The following IL1RAPL2 variants were observed in gnomAD, a reference collection of about 807,000 sequenced individuals.
The protein encoded by IL1RAPL2 is interleukin 1 receptor accessory protein like 2, also known as X-linked interleukin-1 receptor accessory protein-like 2.
In IL1RAPL2, 3 loss-of-function variants were observed where a neutral mutation model predicts 44.1. The observed-to-expected ratio is 0.07, with a 90% CI of 0.03 to 0.18. The LOEUF is 0.18. Among genes scored for constraint, IL1RAPL2 ranks in the 10% least tolerant of loss-of-function variants. The pLI, the probability that IL1RAPL2 is intolerant of heterozygous loss-of-function variation, is 1.00. For synonymous variants in IL1RAPL2, 181 were observed against 178.8 expected (o/e 1.01, Z -0.10); for missense variants, 391 against 496.4 (o/e 0.79, Z 2.02).
chrX:105,361,123 G>A (rs1465943800), intron 5 of IL1RAPL2, among the ~76,000 whole-genome samples: 1 of 111,441 alleles, frequency 9.0e-6, no homozygotes, highest in Non-Finnish European at 1.9e-5. Context: ...GCAGGAGGCA[G>A]GAGGGTGGTT....
chrX:104,737,063 C>T (rs1480586963), intron 2 of IL1RAPL2, among the ~76,000 whole-genome samples: 2 of 112,382 alleles, frequency 1.8e-5, no homozygotes, highest in African/African-American at 6.5e-5. Context: ...TAAGTTGAAT[C>T]AACGTCATCC....
intron 5 of IL1RAPL2, among the ~76,000 whole-genome samples, chrX:105,358,140 T>C (rs761170021): frequency 9.1e-6 from 1 of 109,744 alleles, no homozygotes; most frequent in Non-Finnish European, 1.9e-5. Context: ...TACAGAGGTT[T>C]AGGCAAGTGG....
At chrX:105,077,718 T>C (rs2032332018) in intron 2 of IL1RAPL2, among the ~76,000 whole-genome samples, 1 of 111,935 alleles carries the variant, frequency 8.9e-6, no homozygotes, top group Non-Finnish European at 1.9e-5. Flanking sequence ...CATAGTCCCA[T>C]ATTTCTTGGA....
At chrX:105,030,772 C>G (rs1602902270) in intron 2 of IL1RAPL2, among the ~76,000 whole-genome samples, 1 of 111,688 alleles carries the variant, frequency 9.0e-6, no homozygotes, top group African/African-American at 3.3e-5. Context: ...TTTTCCAATT[C>G]TGTGAAGAAA....
chrX:104,698,491 C>G (rs756017724), intron 2 of IL1RAPL2, among the ~76,000 whole-genome samples: 1 of 111,989 alleles, frequency 8.9e-6, no homozygotes, highest in African/African-American at 3.2e-5. Flanking sequence ...CATTCTTACT[C>G]AAACTCAAAG....
chrX:105,108,652 T>C (rs1217256136), intron 2 of IL1RAPL2, among the ~76,000 whole-genome samples: 1 of 38,148 alleles, frequency 2.6e-5, no homozygotes, highest in African/African-American at 4.2e-5. Context: ...AGTTCTGTCA[T>C]TTTTTGCACC....
chrX:104,807,824 T>C (rs1932933874), intron 2 of IL1RAPL2, among the ~76,000 whole-genome samples: 1 of 111,832 alleles, frequency 8.9e-6, no homozygotes, highest in African/African-American at 3.2e-5. Context: ...AACTATGTAA[T>C]ATAAATGGAC....
At chrX:105,141,793 A>G (rs771986756) in intron 2 of IL1RAPL2, among the ~76,000 whole-genome samples, 1 of 112,504 alleles carries the variant, frequency 8.9e-6, no homozygotes, top group African/African-American at 3.2e-5. Flanking sequence ...TGCAATTGAC[A>G]GTTTGACACA....
At chrX:104,832,372 C>T (rs1490598147) in intron 2 of IL1RAPL2, among the ~76,000 whole-genome samples, 1 of 111,232 alleles carries the variant, frequency 9.0e-6, no homozygotes, top group East Asian at 2.8e-4. Context: ...ATATTTCAAA[C>T]TCCAGTTGTT....
chrX:104,905,916 T>C (rs1484299993), intron 2 of IL1RAPL2, among the ~76,000 whole-genome samples: 5 of 110,578 alleles, frequency 4.5e-5, no homozygotes, highest in African/African-American at 9.9e-5. Context: ...TTTCATGATA[T>C]TGATTCTTCC....
intron 2 of IL1RAPL2, among the ~76,000 whole-genome samples, chrX:105,089,614 T>G (rs1294206488): frequency 1.8e-5 from 2 of 111,652 alleles, no homozygotes; most frequent in Non-Finnish European, 3.8e-5. Context: ...TTCAAGAGTG[T>G]TATTAGTAGT....
At chrX:104,762,250 C>T (rs752702410) in intron 2 of IL1RAPL2, among the ~76,000 whole-genome samples, 20 of 110,682 alleles carry the variant, frequency 1.8e-4, no homozygotes, top group East Asian at 2.9e-4. Context: ...CCACCTGCCT[C>T]GGCCTCCCAA....
intron 6 of IL1RAPL2, among the ~76,000 whole-genome samples, chrX:105,598,900 C>T (rs1029334354): frequency 8.9e-6 from 1 of 112,524 alleles, no homozygotes; most frequent in Non-Finnish European, 1.9e-5. Context: ...TGTGGGGGAT[C>T]TACTGCTCTT....
intron 6 of IL1RAPL2, among the ~76,000 whole-genome samples, chrX:105,701,099 C>T (rs984599102): frequency 9.0e-6 from 1 of 111,354 alleles, no homozygotes; most frequent in Non-Finnish European, 1.9e-5. Context: ...AAACTATCTG[C>T]TATTCCTCTT....
intron 2 of IL1RAPL2, among the ~76,000 whole-genome samples, chrX:104,797,190 C>A (rs1279564581): frequency 6.7e-5 from 2 of 29,764 alleles, no homozygotes; most frequent in African/African-American, 1.4e-4. Flanking sequence ...CTTCAGCCCC[C>A]CCCCCCCCCC....
intron 2 of IL1RAPL2, among the ~76,000 whole-genome samples, chrX:104,872,288 G>A (rs1202207040): frequency 9.0e-6 from 1 of 111,566 alleles, no homozygotes; most frequent in Non-Finnish European, 1.9e-5. Flanking sequence ...CTCGTATGTT[G>A]GGAGCATGAG....
At chrX:104,826,835 T>G (rs1446015670) in intron 2 of IL1RAPL2, among the ~76,000 whole-genome samples, 2 of 110,679 alleles carry the variant, frequency 1.8e-5, no homozygotes, top group Admixed American at 9.7e-5. Flanking sequence ...TAGCTCTTCT[T>G]GTTGCATTGA....
At chrX:104,909,627 G>C (rs1432978190) in intron 2 of IL1RAPL2, among the ~76,000 whole-genome samples, 3 of 111,931 alleles carry the variant, frequency 2.7e-5, no homozygotes, top group Non-Finnish European at 3.8e-5. Flanking sequence ...GTGTGCTCCT[G>C]TTGGGGGGTG....
chrX:105,109,842 CTT>C (rs1244793875), intron 2 of IL1RAPL2, among the ~76,000 whole-genome samples: 1 of 112,318 alleles, frequency 8.9e-6, no homozygotes, highest in African/African-American at 3.2e-5. Context: ...TGCTGAGTGA[CTT>C]TTAATTTACG....
Sources: gnomAD v4.1 joint callset for allele counts (sites outside exome capture counted in the v4.1 genomes callset) on GRCh38, gnomAD v4.1.1 for gene constraint, MANE v1.5 for transcripts, NCBI Gene and HGNC (gene_info 2026-07-23, HGNC 2026-07-21) for gene names.